The following EYA2 variants were observed in gnomAD, a reference collection of about 807,000 sequenced individuals.
The protein encoded by EYA2 is protein phosphatase EYA2.
In EYA2, 31 loss-of-function variants were observed where a neutral mutation model predicts 69.2. That is an observed-to-expected ratio of 0.45 (90% CI 0.34 to 0.60). The LOEUF (loss-of-function observed/expected upper bound fraction) is 0.60. EYA2 is among the 20% of genes least tolerant of loss of function. EYA2 has a pLI of 0.02. For missense variants in EYA2, 622 were observed against 701.2 expected (o/e 0.89, Z 1.28); for synonymous variants, 257 against 279.4 (o/e 0.92, Z 0.80).
chr20:46,993,598 T>G (rs555771223), intron 2 of EYA2, among the ~76,000 whole-genome samples: 3 of 152,342 alleles, frequency 2.0e-5, no homozygotes, highest in African/African-American at 4.8e-5. Flanking sequence ...GGCATGGTTT[T>G]AAGTACTAGG....
At chr20:47,020,336 A>G (rs1983675674) in intron 5 of EYA2, among the ~76,000 whole-genome samples, 2 of 152,150 alleles carry the variant, frequency 1.3e-5, no homozygotes. Flanking sequence ...TAGCACAGCC[A>G]TCACCCCGTA....
At chr20:46,954,608 G>T (rs1291981552) in intron 1 of EYA2, among the ~76,000 whole-genome samples, 3 of 152,148 alleles carry the variant, frequency 2.0e-5, no homozygotes, top group Non-Finnish European at 2.9e-5. Flanking sequence ...CCGATGAGTG[G>T]CCAGTGTCAA....
chr20:47,018,640 G>A (rs7265597), intron 5 of EYA2, among the ~76,000 whole-genome samples: 46,286 of 152,098 alleles, frequency 0.3, 8,918 homozygotes, highest in Non-Finnish European at 0.44. Context: ...CAAAGGCCCC[G>A]CGGCAGGAAA....
chr20:46,931,610 G>A (rs1225321284), intron 1 of EYA2, among the ~76,000 whole-genome samples: 2 of 152,156 alleles, frequency 1.3e-5, no homozygotes, highest in Non-Finnish European at 2.9e-5. Flanking sequence ...CAACAAATGT[G>A]AGCTGTCATT....
At chr20:47,057,914 C>T (rs1189335349) in intron 5 of EYA2, among the ~76,000 whole-genome samples, 2 of 152,166 alleles carry the variant, frequency 1.3e-5, no homozygotes, top group Non-Finnish European at 2.9e-5. Context: ...CCACCCCTTC[C>T]CAGGAGGGCC....
chr20:47,125,526 T>C (rs977966480), intron 9 of EYA2, among the ~76,000 whole-genome samples: 11 of 152,236 alleles, frequency 7.2e-5, no homozygotes, highest in African/African-American at 2.7e-4. Flanking sequence ...AAAAAATTTT[T>C]TTAAACAAGC....
chr20:47,006,399 G>A lies in EYA2; in HGVS notation c.298+1315G>A, dbSNP rs566201553. On this transcript the variant is annotated intron_variant, in intron 4 of 15. Transcript: ENST00000327619. ...GTGACTTTACAGCCCACCCAAATCC[G>A]GGCTATCCAGTGGAAAGGACGTAGC... is the stretch of plus-strand genomic sequence containing the variant. Among the ~76,000 whole-genome samples, 93 of 152,266 alleles carry A rather than the reference G, an allele frequency of 6.1e-4. No homozygotes were observed. The South Asian group carries it at 7.1e-3, about 12-fold the overall frequency.
Position 46,951,644 on chromosome 20 carries a change from C to T in EYA2, c.-10-38357C>T, listed in dbSNP as rs540028887. Among the ~76,000 whole-genome samples the T allele has an allele frequency of 4.6e-5, 7 of 152,282 alleles. No homozygotes were observed. The East Asian group carries it at 7.7e-4, about 17-fold the overall frequency. ...GCTGAGTAATAAAACCACTCTCAGGCGTCAGAGGACTCAGATTCTTGTCCC... is the reference window on the plus strand; with the variant it reads ...GCTGAGTAATAAAACCACTCTCAGGTGTCAGAGGACTCAGATTCTTGTCCC... On this transcript the variant is annotated intron_variant, in intron 1 of 15. Coordinates refer to ENST00000327619, the MANE Select transcript of EYA2 (RefSeq NM_005244.5).
intron 1 of EYA2, among the ~76,000 whole-genome samples, chr20:46,934,591 G>A (rs1025563929): frequency 1.3e-5 from 2 of 152,148 alleles, no homozygotes; most frequent in African/African-American, 4.8e-5. Context: ...GCTCTCCAAG[G>A]GAAAGTGAGG....
chr20:47,061,763 G>A (rs2030902246), intron 5 of EYA2, among the ~76,000 whole-genome samples: 1 of 152,112 alleles, frequency 6.6e-6, no homozygotes, highest in African/African-American at 2.4e-5. Context: ...GTGTAGGCGA[G>A]TTTGGGACTG....
In EYA2 at chr20:46,903,766, GTTATTA is replaced by G. The variant is rs768931643; in HGVS notation, c.-11+8788_-11+8793del. On this transcript the variant is annotated intron_variant, in intron 1 of 15. Coordinates refer to ENST00000327619, the MANE Select transcript of EYA2 (RefSeq NM_005244.5). The stretch of plus-strand genomic sequence containing the variant: ...ATGAATTATATCAGTGTCAGCTACA[GTTATTA>G]TTATTATTTATGAATTTGACCTGAA... 1.4e-4 allele frequency among the ~76,000 whole-genome samples: 21 copies of G among 151,986 alleles called. No individual in the cohort carries two copies. In the South Asian group the frequency reaches 4.0e-3, roughly 29 times the overall value.
chr20:47,060,002 G>T (rs895470074), intron 5 of EYA2, among the ~76,000 whole-genome samples: 8 of 152,106 alleles, frequency 5.3e-5, no homozygotes, highest in Admixed American at 1.3e-4. Flanking sequence ...TTTTGTTTTT[G>T]GTTTTATTTT....
At position 47,016,231 on chromosome 20, in the gene EYA2, C is replaced by T; in HGVS notation, c.349C>T (p.Leu117Phe). Reference sequence around the variant, plus strand: ...CCATTCCCCTGGCCAGAGTGGATTCCTCAGCTATGGCTCCAGCTTCAGCAC... The same window carrying T: ...CCATTCCCCTGGCCAGAGTGGATTCTTCAGCTATGGCTCCAGCTTCAGCAC... ...LNHSPGQSGF[L>F]SYGSSFSTSP... Residue 117 changes from leucine (L) to phenylalanine (F), a missense_variant, in exon 5 of 16, where the codon CTC becomes TTC. Physicochemically the swap from Leu to Phe is conservative, Grantham distance 22. Transcript: ENST00000327619. 1 of 1,614,182 alleles carries T rather than the reference C, an allele frequency of 6.2e-7. No individual in the cohort carries two copies.
intron 4 of EYA2, among the ~76,000 whole-genome samples, chr20:47,009,726 A>G (rs1488673809): frequency 6.6e-6 from 1 of 152,250 alleles, no homozygotes; most frequent in African/African-American, 2.4e-5. Flanking sequence ...CCATTGTAGC[A>G]TGAAAGCAGC....
chr20:46,916,133 T>G (rs2146230770), intron 1 of EYA2, among the ~76,000 whole-genome samples: 1 of 152,252 alleles, frequency 6.6e-6, no homozygotes, highest in East Asian at 1.9e-4. Flanking sequence ...GAGGTTACCT[T>G]CCCCTTCTCT....
chr20:47,123,683 A>G (rs1409867355), intron 9 of EYA2, among the ~76,000 whole-genome samples: 5 of 152,164 alleles, frequency 3.3e-5, no homozygotes, highest in African/African-American at 1.2e-4. Context: ...CATCAAGAAT[A>G]AAGGGGATAT....
At chr20:46,900,721 A>G (rs1029119628) in intron 1 of EYA2, among the ~76,000 whole-genome samples, 3 of 152,244 alleles carry the variant, frequency 2.0e-5, no homozygotes, top group African/African-American at 7.2e-5. Context: ...GTTGGACTTC[A>G]TTTTGATGAT....
intron 7 of EYA2, among the ~76,000 whole-genome samples, chr20:47,088,488 G>A (rs979680502): frequency 6.6e-6 from 1 of 152,096 alleles, no homozygotes; most frequent in Non-Finnish European, 1.5e-5. Context: ...GCATCCAGTG[G>A]CCCCTCCCTC....
At chr20:46,996,711 A>G (rs1313443237) in intron 2 of EYA2, among the ~76,000 whole-genome samples, 1 of 152,176 alleles carries the variant, frequency 6.6e-6, no homozygotes, top group Non-Finnish European at 1.5e-5. Flanking sequence ...AAAATACCTG[A>G]AACTGGGTAA....
Sources: allele counts gnomAD v4.1 joint callset (sites outside exome capture counted in the v4.1 genomes callset), GRCh38; gene constraint gnomAD v4.1.1; transcripts MANE v1.5; gene names NCBI Gene and HGNC (gene_info 2026-07-23, HGNC 2026-07-21).